The following CRACR2A variants were observed in gnomAD, a reference collection of about 807,000 sequenced individuals.
The protein encoded by CRACR2A is EF-hand calcium-binding domain-containing protein 4B.
Under a neutral mutation model 90.5 loss-of-function variants are expected in CRACR2A, and 79 were observed. That is an observed-to-expected ratio of 0.87 (90% confidence interval 0.73 to 1.05). The LOEUF (loss-of-function observed/expected upper bound fraction) is 1.05. Among genes scored for constraint, CRACR2A ranks in the 50% least tolerant of loss-of-function variants. CRACR2A has a pLI of 0.00. For missense variants in CRACR2A, 823 were observed against 897.2 expected, an observed-to-expected ratio of 0.92 and a Z score of 1.06; for synonymous variants, 338 against 356.7, an observed-to-expected ratio of 0.95 and a Z score of 0.59.
intron 7 of CRACR2A, among the ~76,000 whole-genome samples, chr12:3,670,775 C>G (rs990827545): frequency 3.9e-5 from 6 of 152,190 alleles, no homozygotes; most frequent in African/African-American, 1.4e-4. Flanking sequence ...CTTCCTGCCT[C>G]CTATTTCAGT....
At chr12:3,751,747 TATA>T (rs1946707950) in intron 1 of CRACR2A, among the ~76,000 whole-genome samples, 1 of 106,584 alleles carries the variant, frequency 9.4e-6, no homozygotes, top group Non-Finnish European at 2.1e-5. Context: ...CACTTTATAG[TATA>T]GAACCGAGAG....
intron 11 of CRACR2A, chr12:3,648,036 A>G (rs939988889): frequency 1.5e-5 from 15 of 987,346 alleles, no homozygotes; most frequent in Admixed American, 6.1e-5. Flanking sequence ...TCATTCAACA[A>G]ACATGAACAG....
rs1343969328 is a variant in CRACR2A, at chr12:3,680,231, A to G, written c.340+7T>C. 1.9e-6 allele frequency: 3 copies of G among 1,612,286 alleles called. No individual in the cohort carries two copies. The highest frequency in any genetic ancestry group is 2.5e-6 in the Non-Finnish European group (3 of 1,178,340). ...CCCTGAGGTCCCCAGCACCCATCAG[A>G]ACTTACTAAATCCAGTAGTGAACTC... On this transcript the variant is annotated splice_region_variant and intron_variant, in intron 5 of 19. Coordinates refer to ENST00000440314, the MANE Select transcript of CRACR2A (RefSeq NM_001144958.2).
intron 4 of CRACR2A, among the ~76,000 whole-genome samples, chr12:3,680,883 A>G (rs1945434627): frequency 6.6e-6 from 1 of 152,236 alleles, no homozygotes; most frequent in Non-Finnish European, 1.5e-5. Context: ...TGTAAAGCAT[A>G]TAACAGTGCC....
At chr12:3,740,807 C>T (rs75394182) in intron 1 of CRACR2A, among the ~76,000 whole-genome samples, 6,445 of 152,262 alleles carry the variant, frequency 0.042, 193 homozygotes, top group Non-Finnish European at 0.063. Context: ...CATGTGACCT[C>T]GAGCAAGTTG....
chr12:3,700,571 T>C (rs1040820420), intron 3 of CRACR2A, among the ~76,000 whole-genome samples: 4 of 152,202 alleles, frequency 2.6e-5, no homozygotes, highest in African/African-American at 7.2e-5. Flanking sequence ...TGCATATTAA[T>C]ATCAGGCAAA....
In CRACR2A at chr12:3,696,930, T is replaced by G. The variant is rs752177206; in HGVS notation, c.70A>C (p.Lys24Gln). 1.2e-6 allele frequency: 2 copies of G among 1,614,198 alleles called. No individual in the cohort carries two copies. The highest frequency in any genetic ancestry group is 1.3e-5 in the African/African-American group (1 of 75,060). ...RLGQGSGQGP[K>Q]GSGACLHPLD... ...GGATGCAGGCAGGCTCCACTCCCCT[T>G]TGGCCCCTGGCCAGACCCCTGACCA... is the stretch of plus-strand genomic sequence containing the variant. Residue 24 changes from lysine to glutamine, a missense_variant, in exon 4 of 20, where the codon AAG becomes CAG. Lys to Gln is a moderately conservative substitution (Grantham distance 53). Transcript: ENST00000440314.
chr12:3,731,189 C>T (rs1299946422), intron 2 of CRACR2A: 1 of 152,492 alleles, frequency 6.6e-6, no homozygotes, highest in African/African-American at 2.4e-5. Context: ...GCCTCCGCCA[C>T]CTCCAGGGGG....
chr12:3,619,853 G>A (rs1389131435), intron 17 of CRACR2A, among the ~76,000 whole-genome samples: 2 of 152,222 alleles, frequency 1.3e-5, no homozygotes, highest in Non-Finnish European at 2.9e-5. Context: ...CATCACTAGA[G>A]GCCTCCTGAT....
intron 2 of CRACR2A, chr12:3,728,981 T>C (rs1946316917): frequency 1.3e-5 from 2 of 152,222 alleles, no homozygotes; most frequent in Admixed American, 6.5e-5. Context: ...GGTTGCTCCA[T>C]GGCGTATTTG....
intron 1 of CRACR2A, among the ~76,000 whole-genome samples, chr12:3,738,393 G>C (rs1036986753): frequency 1.6e-4 from 25 of 152,270 alleles, no homozygotes; most frequent in African/African-American, 6.0e-4. Context: ...AGCCAAGCTT[G>C]AAGATTATGT....
intron 19 of CRACR2A, among the ~76,000 whole-genome samples, 158 bp from the exon 20 acceptor site, chr12:3,615,597 T>A (rs186943996): frequency 9.7e-4 from 147 of 152,274 alleles, no homozygotes; most frequent in African/African-American, 3.3e-3. Flanking sequence ...CATCCCCCCC[T>A]GGACAGTACA....
intron 4 of CRACR2A, among the ~76,000 whole-genome samples, chr12:3,685,063 C>T (rs1945527853): frequency 6.6e-6 from 1 of 152,236 alleles, no homozygotes; most frequent in Non-Finnish European, 1.5e-5. Context: ...TCATTCCCTC[C>T]GGACCTCAGC....
intron 12 of CRACR2A, among the ~76,000 whole-genome samples, chr12:3,643,796 TAATA>T (rs1397549864): frequency 9.5e-6 from 1 of 104,930 alleles, no homozygotes; most frequent in East Asian, 2.6e-4. Context: ...TATATTTATA[TAATA>T]TATATTATAT....
intron 11 of CRACR2A, 157 bp downstream of exon 11, chr12:3,648,385 T>G (rs573814749): frequency 1.3e-6 from 2 of 1,528,340 alleles, no homozygotes. Context: ...GGCTACTTGG[T>G]GGTCCAAACA....
chr12:3,745,825 TAAAGAAAGA>T (rs1262691034), intron 1 of CRACR2A, among the ~76,000 whole-genome samples: 4 of 100,486 alleles, frequency 4.0e-5, no homozygotes, highest in Non-Finnish European at 5.9e-5. Flanking sequence ...TAAAATAAAA[TAAAGAAAGA>T]AAAGAGAAGA....
chr12:3,720,781 T>C (rs1379759691), intron 2 of CRACR2A, among the ~76,000 whole-genome samples: 1 of 152,224 alleles, frequency 6.6e-6, no homozygotes. Flanking sequence ...CAAAACTGAC[T>C]TCTTAGAGAA....
In CRACR2A at chr12:3,679,157, G is replaced by A. The variant is rs149749643; in HGVS notation, c.341-59C>T. 25 of 1,457,788 alleles carry A rather than the reference G, an allele frequency of 1.7e-5. 1 individual carries two copies. The highest frequency in any genetic ancestry group is 2.1e-5 in the Non-Finnish European group (23 of 1,088,790). The allele number at this position is 1,457,788 out of a possible 1,614,324, so 90.3% of individuals were successfully genotyped here. A position where few individuals can be genotyped will look rare whatever the true frequency, so the allele number is the denominator to read the frequency against. On this transcript the variant is annotated intron_variant, in intron 5 of 19. Coordinates refer to ENST00000440314, the MANE Select transcript of CRACR2A (RefSeq NM_001144958.2). ...ACCATACCCATCCAGGAAGAGCTCA[G>A]CTTTCTCACCTGCCAGGAATCATTG...
chr12:3,745,104 C>T (rs568255303), intron 1 of CRACR2A, among the ~76,000 whole-genome samples: 2 of 152,206 alleles, frequency 1.3e-5, no homozygotes, highest in East Asian at 3.9e-4. Context: ...AAGGCTGTGT[C>T]CATGCACCCA....
Sources: gnomAD v4.1 joint callset for allele counts (sites outside exome capture counted in the v4.1 genomes callset) on GRCh38, gnomAD v4.1.1 for gene constraint, MANE v1.5 for transcripts, NCBI Gene and HGNC (gene_info 2026-07-23, HGNC 2026-07-21) for gene names.